RPS6KC1: variants seen among roughly 807,000 people sequenced by gnomAD.
The protein encoded by RPS6KC1 is inactive ribosomal protein S6 kinase delta-1.
Under a neutral mutation model 103.8 loss-of-function variants are expected in RPS6KC1, and 54 were observed. The observed-to-expected ratio is 0.52, with a 90% CI of 0.42 to 0.65. The LOEUF (loss-of-function observed/expected upper bound fraction) is 0.65. Among genes scored for constraint, RPS6KC1 ranks in the 30% least tolerant of loss-of-function variants. The pLI is 0.00. For synonymous variants in RPS6KC1, 439 were observed against 438.7 expected (o/e 1.00, Z -0.01); for missense variants, 1,151 against 1,253.8 (o/e 0.92, Z 1.24).
At chr1:213,277,897 A>G (rs2095115191), downstream of RPS6KC1, among the ~76,000 whole-genome samples, 3 of 152,092 alleles carry the variant, frequency 2.0e-5, no homozygotes, top group Admixed American at 1.3e-4. Flanking sequence ...TTTCATATCA[A>G]CTCTGTTGAT....
the RPS6KC1 span, among the ~76,000 whole-genome samples, chr1:213,852,547 C>T: frequency 2.6e-5 from 4 of 152,160 alleles, no homozygotes; most frequent in African/African-American, 4.8e-5. Context: ...ATCGACAGAT[C>T]TGTTTTCGGA....
chr1:213,055,132 G>A (rs1404757045), intron 1 of RPS6KC1, among the ~76,000 whole-genome samples: 1 of 152,108 alleles, frequency 6.6e-6, no homozygotes. Context: ...TGTCCAATTT[G>A]ATGAGTTTTG....
the RPS6KC1 span, among the ~76,000 whole-genome samples, chr1:213,834,798 G>C: frequency 2.6e-5 from 4 of 151,992 alleles, no homozygotes; most frequent in Non-Finnish European, 5.9e-5. Context: ...TGAAGATAAG[G>C]ACTGTTTTCC....
At chr1:213,365,666 C>T in the RPS6KC1 span, among the ~76,000 whole-genome samples, 1 of 152,198 alleles carries the variant, frequency 6.6e-6, no homozygotes, top group African/African-American at 2.4e-5. Context: ...GATGGGGCTT[C>T]CAGTCCAACA....
chr1:213,789,027 C>T, the RPS6KC1 span, among the ~76,000 whole-genome samples: 1 of 152,148 alleles, frequency 6.6e-6, no homozygotes, highest in Non-Finnish European at 1.5e-5. Flanking sequence ...GGGCCCAAGT[C>T]TCGGCCAGGC....
chr1:213,369,833 T>C, the RPS6KC1 span, among the ~76,000 whole-genome samples: 1 of 152,254 alleles, frequency 6.6e-6, no homozygotes, highest in Non-Finnish European at 1.5e-5. Context: ...GAACTGTCCA[T>C]TTAATCAGGG....
chr1:213,630,055 ATG>A, the RPS6KC1 span, among the ~76,000 whole-genome samples: 1 of 151,998 alleles, frequency 6.6e-6, no homozygotes, highest in Non-Finnish European at 1.5e-5. Context: ...TCTGACAATT[ATG>A]TGTCTTGGAG....
chr1:213,412,536 C>A, the RPS6KC1 span, among the ~76,000 whole-genome samples: 1 of 152,302 alleles, frequency 6.6e-6, no homozygotes, highest in East Asian at 1.9e-4. Context: ...TGTAGCGGTC[C>A]CTGCTTTCCC....
At position 213,128,075 on chromosome 1, in the gene RPS6KC1, A is replaced by T. The variant is rs571493949; in HGVS notation, c.473-1452A>T. ...GTATCAAAGAACAATATTCATAATT[A>T]TTTGAAAAGGCTAATACTTGTTTCT... On this transcript the variant is annotated intron_variant, in intron 5 of 14. Transcript: ENST00000366960. Among the ~76,000 whole-genome samples the T allele has an allele frequency of 1.9e-3, 282 of 152,350 alleles. 2 individuals carry two copies. Among genetic ancestry groups the T allele is most frequent in the Middle Eastern group, 0.01 (3 of 294 alleles).
chr1:213,053,694 A>C (rs780242915), intron 1 of RPS6KC1, among the ~76,000 whole-genome samples: 5 of 152,140 alleles, frequency 3.3e-5, no homozygotes, highest in African/African-American at 4.8e-5. Context: ...AGAAAAGGAG[A>C]GGGTATGAAA....
At chr1:213,299,504 A>C in the RPS6KC1 span, among the ~76,000 whole-genome samples, 1 of 143,732 alleles carries the variant, frequency 7.0e-6, no homozygotes, top group Non-Finnish European at 1.5e-5. Flanking sequence ...GTGAGCCAAG[A>C]TGGCACCACT....
chr1:213,726,440 CT>C, the RPS6KC1 span, among the ~76,000 whole-genome samples: 1 of 152,134 alleles, frequency 6.6e-6, no homozygotes, highest in Non-Finnish European at 1.5e-5. Context: ...AGGTATCTCC[CT>C]TTGGATGTTA....
At chr1:213,362,572 A>G in the RPS6KC1 span, among the ~76,000 whole-genome samples, 1 of 152,192 alleles carries the variant, frequency 6.6e-6, no homozygotes, top group South Asian at 2.1e-4. Context: ...CTGCCATGCC[A>G]TGGGCAAACA....
chr1:213,615,081 G>C, the RPS6KC1 span, among the ~76,000 whole-genome samples: 1 of 152,222 alleles, frequency 6.6e-6, no homozygotes, highest in Admixed American at 6.5e-5. Flanking sequence ...TATGTGTGAT[G>C]TGCTGACACT....
the RPS6KC1 span, among the ~76,000 whole-genome samples, chr1:213,369,616 G>T: frequency 6.6e-6 from 1 of 152,230 alleles, no homozygotes; most frequent in Non-Finnish European, 1.5e-5. Flanking sequence ...AGTGGAATTT[G>T]ATCCATGTAG....
the RPS6KC1 span, among the ~76,000 whole-genome samples, chr1:213,338,404 T>G: frequency 5.9e-5 from 9 of 152,220 alleles, no homozygotes; most frequent in Non-Finnish European, 1.0e-4. Flanking sequence ...TTGTACATTC[T>G]TTCTTTCTTT....
At chr1:213,377,228 C>T in the RPS6KC1 span, among the ~76,000 whole-genome samples, 6 of 152,188 alleles carry the variant, frequency 3.9e-5, no homozygotes, top group African/African-American at 7.2e-5. Flanking sequence ...AATGCGATAA[C>T]CTTTTCTCCT....
At chr1:213,507,468 A>G in the RPS6KC1 span, among the ~76,000 whole-genome samples, 1 of 152,140 alleles carries the variant, frequency 6.6e-6, no homozygotes, top group African/African-American at 2.4e-5. Context: ...AAAAGGACAG[A>G]TGCAAAGAAA....
chr1:213,279,253 C>T (rs531581847), downstream of RPS6KC1, among the ~76,000 whole-genome samples: 34 of 152,144 alleles, frequency 2.2e-4, no homozygotes, highest in South Asian at 3.5e-3. Context: ...AGATAAAGTC[C>T]GCAGTTAAGG....
Sources: gnomAD v4.1 joint callset for allele counts (sites outside exome capture counted in the v4.1 genomes callset) on GRCh38, gnomAD v4.1.1 for gene constraint, MANE v1.5 for transcripts, NCBI Gene and HGNC (gene_info 2026-07-23, HGNC 2026-07-21) for gene names.